The following GTF2F1 variants were observed in gnomAD, a reference collection of about 807,000 sequenced individuals.
GTF2F1 encodes general transcription factor IIF subunit 1, also known as general transcription factor IIF 74 kDa subunit.
Under a neutral mutation model 63.5 loss-of-function variants are expected in GTF2F1, and 39 were observed. The ratio of observed to expected loss-of-function variants is 0.61; its 90% CI spans 0.48 to 0.80. GTF2F1 has a LOEUF of 0.80. Ranked by LOEUF, GTF2F1 falls within the 30% of genes least tolerant of loss-of-function variation. The probability of loss-of-function intolerance (pLI) is 0.00; values close to 1 mark genes in which losing one functional copy is unlikely to be tolerated. For missense variants in GTF2F1, 657 were observed against 718.3 expected (o/e 0.91, Z 0.97); for synonymous variants, 287 against 285.3 (o/e 1.01, Z -0.06).
chr19:6,387,914 T>C (rs551020383), intron 4 of GTF2F1, among the ~76,000 whole-genome samples: 1 of 149,994 alleles, frequency 6.7e-6, no homozygotes, highest in African/African-American at 2.4e-5. Context: ...AGTGAGAAGA[T>C]GGGGCGGGAA....
rs2091960351 is a variant in GTF2F1 at position 6,383,205 on chromosome 19, C to T, written c.682+106G>A. On this transcript the variant is annotated intron_variant, in intron 6 of 12. Transcript: ENST00000394456. This position sits in a 1 kb window ranked among gnomAD's most constrained non-coding sequence, Gnocchi z 4.5. ...GCGTGAGCCACTGTGCCCGGCCCCACTTGCCTCTCATTCTAGGGCCACTGT... is the reference window on the plus strand; with the variant it reads ...GCGTGAGCCACTGTGCCCGGCCCCATTTGCCTCTCATTCTAGGGCCACTGT... 2.4e-6 allele frequency: 3 copies of T among 1,236,956 alleles called. No homozygotes were observed. The East Asian group carries it at 7.1e-5, about 29-fold the overall frequency. 76.6% of individuals were successfully genotyped at this position (1,236,956 alleles called of 1,614,324 possible).
At chr19:6,382,861 C>G (rs1225537126) in intron 6 of GTF2F1, among the ~76,000 whole-genome samples, 2 of 151,778 alleles carry the variant, frequency 1.3e-5, no homozygotes, top group Admixed American at 1.3e-4. Flanking sequence ...GGCCTTGCCT[C>G]CTGACTGACA....
intron 3 of GTF2F1, among the ~76,000 whole-genome samples, chr19:6,391,556 G>A (rs1264913439): frequency 2.7e-5 from 4 of 145,738 alleles, no homozygotes; most frequent in Admixed American, 7.3e-5. Flanking sequence ...GGGCTCAAGC[G>A]ATCCTCCTAC....
chr19:6,392,036 A>G, intron 2 of GTF2F1, 62 bp from the exon 3 acceptor site: 1 of 834,716 alleles, frequency 1.2e-6, no homozygotes, highest in Non-Finnish European at 2.0e-6. Flanking sequence ...TAATTTAATC[A>G]GTCAATGCTA....
intron 3 of GTF2F1, 112 bp downstream of exon 3, chr19:6,391,790 A>G (rs984707005): frequency 7.7e-5 from 48 of 620,004 alleles, no homozygotes; most frequent in African/African-American, 1.9e-5. Flanking sequence ...GAGAAAAGTG[A>G]GAAAATTAAG....
chr19:6,392,895 G>T lies in GTF2F1; in HGVS notation c.21C>A (p.Ser7Arg), dbSNP rs151336104. The T allele has an allele frequency of 3.7e-4, 604 of 1,614,166 alleles. No homozygotes were observed. The highest frequency in any genetic ancestry group is 4.0e-4 in the Non-Finnish European group (471 of 1,180,006). MAALGP[S>R]SQNVTEYVVR... ...CGACGTATTCAGTGACATTCTGGCT[G>T]CTAGGGCCCTGCGGAAAGAGGAAGC... is the stretch of plus-strand genomic sequence containing the variant. The change falls in exon 2 of 13, where the codon AGC becomes AGA. Residue 7 changes from serine to arginine, a missense_variant. Ser to Arg is a moderately radical substitution (Grantham distance 110). Around this residue, in one of 2 missense-constraint regions of GTF2F1, gnomAD observed 602 missense variants for 625.6 expected, o/e 0.96. Transcript: ENST00000394456.
rs560760103 is a variant in GTF2F1 at position 6,380,653 on chromosome 19, C to T, written c.1269G>A (p.Leu423=). The change falls in exon 12 of 13, where the codon TTG becomes TTA. Residue 423 remains leucine (L), a synonymous_variant. Transcript: ENST00000394456. The surrounding 1 kb of genome is among the most constrained non-coding windows in gnomAD (Gnocchi z 5.3). The part of the protein sequence containing the change: ...RVSEMPAAKR[L]RLDTGPQSLS... The stretch of plus-strand genomic sequence containing the variant: ...GGCTCTGGGGTCCCGTGTCCAGCCG[C>T]AACCGCTTGGCTGCAGGCATCTCGC... The T allele has an allele frequency of 5.3e-5, 86 of 1,613,590 alleles. 1 individual carries two copies. The South Asian group carries it at 8.8e-4, about 16-fold the overall frequency.
Position 6,381,792 on chromosome 19 carries a change from CTTT to C in GTF2F1, c.738_740del (p.Lys251del), listed in dbSNP as rs760732360. 1 of 1,613,870 alleles carries C rather than the reference CTTT, an allele frequency of 6.2e-7. No individual in the cohort carries two copies. The highest frequency in any genetic ancestry group is 8.5e-7 in the Non-Finnish European group (1 of 1,179,894). On this transcript the variant is annotated inframe_deletion, in exon 7 of 13. Transcript: ENST00000394456. The surrounding 1 kb of genome is among the most constrained non-coding windows in gnomAD (Gnocchi z 4.1). ...CGTCGTCTGAACCCTTCTTCTTCTT[CTTT>C]TTCCTGCCGCCCTTGGCCAGCGGCG...
chr19:6,392,245 G>C, intron 2 of GTF2F1: 1 of 522,936 alleles, frequency 1.9e-6, no homozygotes, highest in Non-Finnish European at 3.7e-6. Flanking sequence ...ACTGGATACG[G>C]AAGACTCCAA....
rs564423752 is a variant in GTF2F1, at chr19:6,383,012, C to A, written c.682+299G>T. Among the ~76,000 whole-genome samples, 6 of 152,252 alleles carry A rather than the reference C, an allele frequency of 3.9e-5. No individual in the cohort carries two copies. The highest frequency in any genetic ancestry group is 1.4e-4 in the African/African-American group (6 of 41,558). On this transcript the variant is annotated intron_variant, in intron 6 of 12. Transcript: ENST00000394456. This position sits in a 1 kb window ranked among gnomAD's most constrained non-coding sequence, Gnocchi z 4.5. Reference sequence around the variant, plus strand: ...TATCTCACGGGTTCAAGCAATTCTCCTGCCTCAGTCTCCCGAGTAGCTGGC... The same window carrying A: ...TATCTCACGGGTTCAAGCAATTCTCATGCCTCAGTCTCCCGAGTAGCTGGC...
At position 6,383,242 on chromosome 19, in the gene GTF2F1, G is replaced by C; in HGVS notation, c.682+69C>G. 4 of 1,509,602 alleles carry C rather than the reference G, an allele frequency of 2.6e-6. No individual in the cohort carries two copies. The highest frequency in any genetic ancestry group is 2.7e-5 in the African/African-American group (2 of 73,208). 93.5% of individuals were successfully genotyped at this position (1,509,602 alleles called of 1,614,324 possible). On this transcript the variant is annotated intron_variant, in intron 6 of 12. Coordinates refer to ENST00000394456, the MANE Select transcript of GTF2F1 (RefSeq NM_002096.3). This position sits in a 1 kb window ranked among gnomAD's most constrained non-coding sequence, Gnocchi z 4.5. ...TCTAGGGCCACTGTGAGCGATGGTAGACTTTGCCTTCACTGGCACTGCCTG... is the reference window on the plus strand; with the variant it reads ...TCTAGGGCCACTGTGAGCGATGGTACACTTTGCCTTCACTGGCACTGCCTG...
intron 3 of GTF2F1, 125 bp downstream of exon 3, chr19:6,391,777 T>G: frequency 1.6e-6 from 1 of 607,506 alleles, no homozygotes; most frequent in Non-Finnish European, 3.0e-6. Flanking sequence ...TTTTCTTCAC[T>G]TGGAGAAAAG....
At chr19:6,382,996 G>T (rs2075570842) in intron 6 of GTF2F1, among the ~76,000 whole-genome samples, 1 of 151,986 alleles carries the variant, frequency 6.6e-6, no homozygotes, top group South Asian at 2.1e-4. Context: ...CTATCTCACG[G>T]GTTCAAGCAA....
At position 6,383,758 on chromosome 19, in the gene GTF2F1, C is replaced by T. The variant is rs1015790823; in HGVS notation, c.498-263G>A. Among the ~76,000 whole-genome samples the T allele has an allele frequency of 2.6e-5, 4 of 152,146 alleles. No individual in the cohort carries two copies. The highest frequency in any genetic ancestry group is 7.2e-5 in the African/African-American group (3 of 41,438). On this transcript the variant is annotated intron_variant, in intron 5 of 12. Coordinates refer to ENST00000394456, the MANE Select transcript of GTF2F1 (RefSeq NM_002096.3). This position sits in a 1 kb window ranked among gnomAD's most constrained non-coding sequence, Gnocchi z 4.5. ...CACCTCCCTCGGACTCAGAGTCTGGCCCCAATCCAGTCACACTGGTTTCTT... is the reference window on the plus strand; with the variant it reads ...CACCTCCCTCGGACTCAGAGTCTGGTCCCAATCCAGTCACACTGGTTTCTT...
chr19:6,383,910 A>C lies in GTF2F1; in HGVS notation c.498-415T>G, dbSNP rs1004199648. Among the ~76,000 whole-genome samples the C allele has an allele frequency of 3.3e-5, 5 of 149,538 alleles. No individual in the cohort carries two copies. Among genetic ancestry groups the C allele is most frequent in the African/African-American group, 1.2e-4 (5 of 40,518 alleles). ...CTCCTGGCTTCAAGCAATTCTCCTG[A>C]CTCAGCCTCCCAGATAGCCGGGGTT... On this transcript the variant is annotated intron_variant, in intron 5 of 12. Coordinates refer to ENST00000394456, the MANE Select transcript of GTF2F1 (RefSeq NM_002096.3). This position sits in a 1 kb window ranked among gnomAD's most constrained non-coding sequence, Gnocchi z 4.5.
At position 6,380,297 on chromosome 19, in the gene GTF2F1, A is replaced by T; in HGVS notation, c.1538T>A (p.Phe513Tyr). 1 of 1,613,938 alleles carries T rather than the reference A, an allele frequency of 6.2e-7. No homozygotes were observed. Among genetic ancestry groups the T allele is most frequent in the Non-Finnish European group, 8.5e-7 (1 of 1,179,910 alleles). Residue 513 changes from phenylalanine (F) to tyrosine (Y), a missense_variant, in exon 13 of 13, where the codon TTC (phenylalanine) becomes TAC (tyrosine). Around this residue, in one of 2 missense-constraint regions of GTF2F1, gnomAD observed 55 missense variants for 92.6 expected, o/e 0.59. Transcript: ENST00000394456. The surrounding 1 kb of genome is among the most constrained non-coding windows in gnomAD (Gnocchi z 5.3). ...ERKMINDKMH[F>Y]SLKE is the part of the protein sequence containing the mutation. ...GACCAAGCCTCACTCCTTGAGGGAG[A>T]AGTGCATTTTGTCGTTGATCATCTT...
In GTF2F1 at chr19:6,381,151, T is replaced by G; in HGVS notation, c.1063A>C (p.Ser355Arg). 6.2e-7 allele frequency: 1 copy of G among 1,612,076 alleles called. No homozygotes were observed. Among genetic ancestry groups the G allele is most frequent in the East Asian group, 2.2e-5 (1 of 44,820 alleles). The change falls in exon 10 of 13, where the codon AGC (serine) becomes CGC (arginine). Residue 355 changes from serine to arginine, a missense_variant. Transcript: ENST00000394456. The surrounding 1 kb of genome is among the most constrained non-coding windows in gnomAD (Gnocchi z 4.1). ...ATGAAGAGGGCTGAGGAGGCCTCGC[T>G]GTCAATGTCGCTCTCCTCTGAGCTG... Reference protein sequence around the residue: ...SDSSEESDIDSEASSALFMAK... With the variant: ...SDSSEESDIDREASSALFMAK...
chr19:6,391,683 C>A (rs2091998839), intron 3 of GTF2F1, among the ~76,000 whole-genome samples: 1 of 151,946 alleles, frequency 6.6e-6, no homozygotes. Flanking sequence ...AAACTCCTGG[C>A]CTTAAGCAAG....
rs772320932 is a variant in GTF2F1 at position 6,380,286 on chromosome 19, C to A, written c.1549G>T (p.Glu517Ter). The A allele has an allele frequency of 1.2e-6, 2 of 1,613,784 alleles. No homozygotes were observed. Among genetic ancestry groups the A allele is most frequent in the Middle Eastern group, 3.3e-4 (2 of 6,062 alleles). Reference protein sequence around the residue: ...INDKMHFSLKE With the variant: ...INDKMHFSLK The stretch of plus-strand genomic sequence containing the variant: ...GCCATGTATTGGACCAAGCCTCACT[C>A]CTTGAGGGAGAAGTGCATTTTGTCG... The change falls in exon 13 of 13, where the codon GAG (glutamate) becomes TAG (stop). Residue 517 changes from glutamate to a stop codon, truncating the protein, a stop_gained. Transcript: ENST00000394456. LOFTEE classifies it high-confidence loss of function. This position sits in a 1 kb window ranked among gnomAD's most constrained non-coding sequence, Gnocchi z 5.3.
Sources: gnomAD v4.1 joint callset for allele counts (sites outside exome capture counted in the v4.1 genomes callset) on GRCh38, gnomAD v4.1.1 for gene constraint, gnomAD v4.1.1 regional missense constraint, Gnocchi (gnomAD v3.1) non-coding constraint, MANE v1.5 for transcripts, NCBI Gene and HGNC (gene_info 2026-07-23, HGNC 2026-07-21) for gene names.